Variants in SMCHD1 observed in about 807,000 individuals in gnomAD.
The protein encoded by SMCHD1 is structural maintenance of chromosomes flexible hinge domain-containing protein 1.
In SMCHD1, 78 loss-of-function variants were observed where a neutral mutation model predicts 254.7. That is an observed-to-expected ratio of 0.31 (90% confidence interval 0.26 to 0.37). SMCHD1 has a LOEUF of 0.37. SMCHD1 is among the 10% of genes least tolerant of loss of function. The probability of loss-of-function intolerance (pLI) is 1.00; values close to 1 mark genes in which losing one functional copy is unlikely to be tolerated. For synonymous variants in SMCHD1, 766 were observed against 794.9 expected (o/e 0.96, Z 0.61); for missense variants, 1,840 against 2,408.1 (o/e 0.76, Z 4.94).
intron 44 of SMCHD1, 86 bp from the exon 45 acceptor site, chr18:2,784,364 A>G (rs1012817327): frequency 3.4e-6 from 4 of 1,164,020 alleles, no homozygotes; most frequent in Non-Finnish European, 1.2e-6. Context: ...TGTCATTTCT[A>G]ATCTCAGAAA....
intron 47 of SMCHD1, among the ~76,000 whole-genome samples, chr18:2,798,397 T>TG (rs1227802458): frequency 6.6e-6 from 1 of 152,190 alleles, no homozygotes; most frequent in East Asian, 1.9e-4. Context: ...CTCTTTGCAG[T>TG]GGATTTAGAC....
intron 1 of SMCHD1, among the ~76,000 whole-genome samples, chr18:2,661,405 G>C (rs2073248682): frequency 1.3e-5 from 2 of 149,970 alleles, no homozygotes; most frequent in African/African-American, 5.1e-5. Context: ...AAATCTATGG[G>C]TTTTTAATAT....
chr18:2,700,465 CATTT>C (rs2143180448), intron 10 of SMCHD1, 70 bp from the exon 11 acceptor site: 1 of 1,446,732 alleles, frequency 6.9e-7, no homozygotes, highest in Non-Finnish European at 9.3e-7. Flanking sequence ...CAATTTGAAA[CATTT>C]ATGTGTTTGT....
intron 45 of SMCHD1, among the ~76,000 whole-genome samples, chr18:2,786,798 T>C (rs948594396): frequency 6.6e-6 from 1 of 152,230 alleles, no homozygotes; most frequent in Admixed American, 6.5e-5. Flanking sequence ...TGACTTATAG[T>C]AGCTTAGATT....
At chr18:2,657,888 TC>T (rs1369356957) in intron 1 of SMCHD1, among the ~76,000 whole-genome samples, 2 of 152,032 alleles carry the variant, frequency 1.3e-5, no homozygotes, top group African/African-American at 4.8e-5. Flanking sequence ...GCTCAGGTGA[TC>T]CTCCCACCTC....
At position 2,732,401 on chromosome 18, in the gene SMCHD1, C is replaced by T. The variant is rs752298965; in HGVS notation, c.3185C>T (p.Ala1062Val). 7 of 1,612,896 alleles carry T rather than the reference C, an allele frequency of 4.3e-6. No homozygotes were observed. In the Admixed American group the frequency reaches 5.0e-5, roughly 12 times the overall value. The change falls in exon 25 of 48, where the codon GCG (alanine) becomes GTG (valine). Residue 1062 changes from alanine to valine, a missense_variant. Ala to Val is a moderately conservative substitution (Grantham distance 64). This residue lies in a region of SMCHD1 where 881 missense variants were observed against 1,009.5 expected (regional missense o/e 0.87). Coordinates refer to ENST00000320876, the MANE Select transcript of SMCHD1 (RefSeq NM_015295.3). ...CATCAGGATGAGGTTAATTGGATAG[C>T]GGGTGATATTATGCATAATCTTATT... ...IKHQDEVNWI[A>V]GDIMHNLIFQ...
chr18:2,694,267 G>T (rs2074243297), intron 7 of SMCHD1, among the ~76,000 whole-genome samples: 1 of 152,158 alleles, frequency 6.6e-6, no homozygotes, highest in South Asian at 2.1e-4. Flanking sequence ...TTTCGTTTAT[G>T]ATTCTAAAAT....
intron 22 of SMCHD1, 174 bp from the exon 23 acceptor site, chr18:2,728,283 G>C (rs2075064140): frequency 3.3e-6 from 2 of 604,304 alleles, no homozygotes; most frequent in Non-Finnish European, 5.6e-6. Context: ...GTCATGTATT[G>C]AATCTGTGCA....
At chr18:2,731,465 G>A (rs1320018732) in intron 24 of SMCHD1, among the ~76,000 whole-genome samples, 2 of 152,100 alleles carry the variant, frequency 1.3e-5, no homozygotes, top group Non-Finnish European at 2.9e-5. Context: ...GTTGTCTTCA[G>A]GGCATCTAGA....
chr18:2,802,385 T>TTTAA (rs1332176783), intron 47 of SMCHD1, 143 bp from the exon 48 acceptor site: 4 of 627,388 alleles, frequency 6.4e-6, no homozygotes, highest in Non-Finnish European at 1.1e-5. Context: ...TATATAAGGA[T>TTTAA]TTAATTAAAT....
intron 5 of SMCHD1, among the ~76,000 whole-genome samples, chr18:2,686,395 T>C (rs1031773195): frequency 6.6e-6 from 1 of 152,228 alleles, no homozygotes; most frequent in Non-Finnish European, 1.5e-5. Flanking sequence ...GAAATACTTT[T>C]GGTCCGAAGC....
intron 10 of SMCHD1, among the ~76,000 whole-genome samples, chr18:2,700,197 T>G (rs1381196130): frequency 1.3e-5 from 2 of 152,206 alleles, no homozygotes; most frequent in Non-Finnish European, 2.9e-5. Context: ...GTGAAACTGT[T>G]TTAGATACGG....
intron 38 of SMCHD1, 55 bp downstream of exon 38, chr18:2,769,875 A>G: frequency 6.4e-7 from 1 of 1,561,878 alleles, no homozygotes; most frequent in Non-Finnish European, 8.7e-7. Flanking sequence ...ACTTTAGATA[A>G]CCTTGTTTTG....
chr18:2,688,218 G>C (rs920788882), intron 5 of SMCHD1, among the ~76,000 whole-genome samples, 176 bp from the exon 6 acceptor site: 3 of 152,170 alleles, frequency 2.0e-5, no homozygotes, highest in Non-Finnish European at 4.4e-5. Context: ...ATCTGGCCTG[G>C]GGACTACACT....
At chr18:2,765,968 T>C (rs2075859280) in intron 37 of SMCHD1, among the ~76,000 whole-genome samples, 1 of 150,682 alleles carries the variant, frequency 6.6e-6, no homozygotes. Context: ...AAGAAAACTT[T>C]ACCTGTTTTC....
chr18:2,761,929 CTTT>C (rs903696890), intron 35 of SMCHD1, among the ~76,000 whole-genome samples, 173 bp from the exon 36 acceptor site: 19 of 152,238 alleles, frequency 1.2e-4, no homozygotes, highest in African/African-American at 4.1e-4. Context: ...CCTGACCTAA[CTTT>C]TTTATGCTGA....
At chr18:2,757,707 T>A (rs993633816) in intron 34 of SMCHD1, among the ~76,000 whole-genome samples, 22 of 152,082 alleles carry the variant, frequency 1.4e-4, no homozygotes, top group Non-Finnish European at 2.9e-4. Flanking sequence ...ATAATGTGAT[T>A]TTTGCATTTG....
chr18:2,793,772 C>T (rs1248629725), intron 45 of SMCHD1, among the ~76,000 whole-genome samples: 1 of 151,740 alleles, frequency 6.6e-6, no homozygotes. Flanking sequence ...CTCAGTTTCA[C>T]ATATAGAATT....
chr18:2,780,074 A>G (rs1304140861), intron 44 of SMCHD1, among the ~76,000 whole-genome samples: 1 of 151,914 alleles, frequency 6.6e-6, no homozygotes, highest in Non-Finnish European at 1.5e-5. Context: ...TCCCGTCTCT[A>G]CTAAAAATAC....
Sources: gnomAD v4.1 joint callset for allele counts (sites outside exome capture counted in the v4.1 genomes callset) on GRCh38, gnomAD v4.1.1 for gene constraint, gnomAD v4.1.1 regional missense constraint, MANE v1.5 for transcripts, NCBI Gene and HGNC (gene_info 2026-07-23, HGNC 2026-07-21) for gene names.